LPAR6: variants seen among roughly 807,000 people sequenced by gnomAD.
LPAR6 encodes the protein lysophosphatidic acid receptor 6, also known as G-protein coupled purinergic receptor P2Y5.
A neutral mutation model predicts 22.0 loss-of-function variants in LPAR6; 17 were observed. That is an observed-to-expected ratio of 0.77 (90% CI 0.53 to 1.16). The LOEUF is 1.16. Ranked by LOEUF, LPAR6 falls within the 50% of genes most tolerant of loss-of-function variation. The pLI is 0.00. For synonymous variants in LPAR6, 136 were observed against 139.8 expected (o/e 0.97, Z 0.19); for missense variants, 384 against 406.9 (o/e 0.94, Z 0.48).
At chr13:48,423,849 C>T (rs1453207854) in intron 1 of LPAR6, 1 of 152,204 alleles carries the variant, frequency 6.6e-6, no homozygotes, top group Non-Finnish European at 1.5e-5. Context: ...GAGTTTGGGG[C>T]TTCATTGCTC....
At chr13:48,418,043 A>G (rs538536931), upstream of LPAR6, among the ~76,000 whole-genome samples, 19 of 152,134 alleles carry the variant, frequency 1.2e-4, no homozygotes, top group South Asian at 3.7e-3. Flanking sequence ...CCACAAAGAT[A>G]CTCCTCAAGA....
At chr13:48,419,817 A>G (rs1474139367) in intron 2 of LPAR6, among the ~76,000 whole-genome samples, 2 of 152,168 alleles carry the variant, frequency 1.3e-5, no homozygotes, top group Admixed American at 1.3e-4. Flanking sequence ...GGACACATAC[A>G]CCCTCCCAAG....
At chr13:48,395,001 A>G (rs903360515) in intron 1 of LPAR6, among the ~76,000 whole-genome samples, 6 of 152,190 alleles carry the variant, frequency 3.9e-5, no homozygotes, top group Admixed American at 6.5e-5. Flanking sequence ...GGAGAGTTCC[A>G]GCTGCCATCT....
chr13:48,426,229 T>C (rs1949077561), intron 1 of LPAR6, among the ~76,000 whole-genome samples: 2 of 152,206 alleles, frequency 1.3e-5, no homozygotes, highest in Non-Finnish European at 2.9e-5. Context: ...TCTAAAAAGA[T>C]ACTATTATAG....
intron 1 of LPAR6, among the ~76,000 whole-genome samples, chr13:48,392,808 G>C (rs1047980103): frequency 6.6e-6 from 1 of 151,098 alleles, no homozygotes; most frequent in Non-Finnish European, 1.5e-5. Flanking sequence ...TTGACTGCTT[G>C]GTGATTTTTT....
intron 1 of LPAR6, among the ~76,000 whole-genome samples, chr13:48,405,214 A>C (rs889221584): frequency 2.0e-5 from 3 of 152,262 alleles, no homozygotes; most frequent in African/African-American, 4.8e-5. Flanking sequence ...AGTTTCATAA[A>C]GAATGCCTTC....
upstream of LPAR6, among the ~76,000 whole-genome samples, chr13:48,428,777 A>G (rs1306642067): frequency 6.6e-6 from 1 of 152,250 alleles, no homozygotes; most frequent in Non-Finnish European, 1.5e-5. Context: ...CAAGTTTTAT[A>G]CAAAAGCAGG....
At chr13:48,426,652 T>C (rs1422374687) in intron 1 of LPAR6, 1 of 152,220 alleles carries the variant, frequency 6.6e-6, no homozygotes, top group East Asian at 1.9e-4. Context: ...AAGTACAACT[T>C]AGGAAACTAA....
intron 1 of LPAR6, among the ~76,000 whole-genome samples, chr13:48,405,461 C>G (rs1268935496): frequency 6.6e-6 from 1 of 152,134 alleles, no homozygotes; most frequent in Non-Finnish European, 1.5e-5. Flanking sequence ...GTGTTTTTCT[C>G]CCATCCTTGT....
At chr13:48,422,529 G>C (rs1307445474) in intron 2 of LPAR6, 1 of 152,106 alleles carries the variant, frequency 6.6e-6, no homozygotes, top group Non-Finnish European at 1.5e-5. Context: ...TTAAAAAATG[G>C]TGAAGACAAG....
At chr13:48,401,594 G>C (rs1187680375) in intron 1 of LPAR6, among the ~76,000 whole-genome samples, 1 of 152,108 alleles carries the variant, frequency 6.6e-6, no homozygotes, top group African/African-American at 2.4e-5. Flanking sequence ...TCACGACCCA[G>C]TCTGTTTCAA....
At position 48,393,899 on chromosome 13, in the gene LPAR6, T is replaced by G. The variant is rs181994730; in HGVS notation, n.115-4087A>C. ...ACCAAATATTAGCAAATTTCTTCAT[T>G]CAGTTACACAAGTACTTGGCCAACA... On this transcript the variant is annotated intron_variant and non_coding_transcript_variant, in intron 1 of 1. Transcript: ENST00000462781. 2.2e-3 allele frequency among the ~76,000 whole-genome samples: 338 copies of G among 152,310 alleles called. 7 individuals are homozygous for G. Among genetic ancestry groups the G allele is most frequent in the Admixed American group, 0.021 (318 of 15,280 alleles).
chr13:48,399,971 A>G (rs772885316), intron 1 of LPAR6, among the ~76,000 whole-genome samples: 26 of 152,040 alleles, frequency 1.7e-4, no homozygotes, highest in Non-Finnish European at 3.2e-4. Context: ...TATTATACAC[A>G]TTACCCATTC....
intron 1 of LPAR6, among the ~76,000 whole-genome samples, chr13:48,433,510 T>A (rs1314851624): frequency 6.6e-6 from 1 of 152,132 alleles, no homozygotes; most frequent in East Asian, 1.9e-4. Context: ...AAAATTTTTG[T>A]TCAGAGAATT....
intron 1 of LPAR6, among the ~76,000 whole-genome samples, chr13:48,390,968 T>A (rs1948606586): frequency 6.6e-6 from 1 of 152,208 alleles, no homozygotes; most frequent in Non-Finnish European, 1.5e-5. Context: ...ATGTGACTAT[T>A]GATATGGTTG....
At chr13:48,430,380 ATAAAAAATGACTCCATT>A (rs1288542489), upstream of LPAR6, among the ~76,000 whole-genome samples, 1 of 152,234 alleles carries the variant, frequency 6.6e-6, no homozygotes, top group Non-Finnish European at 1.5e-5. Flanking sequence ...AATAATCTCA[ATAAAAAATGACTCCATT>A]TAAAAAATGA....
intron 1 of LPAR6, among the ~76,000 whole-genome samples, chr13:48,434,886 G>C (rs1486936110): frequency 1.3e-5 from 2 of 152,174 alleles, no homozygotes; most frequent in African/African-American, 4.8e-5. Context: ...GATATTGCAT[G>C]TATCAATAGT....
At chr13:48,391,229 A>G (rs548885668) in intron 1 of LPAR6, among the ~76,000 whole-genome samples, 3 of 152,336 alleles carry the variant, frequency 2.0e-5, no homozygotes, top group East Asian at 3.9e-4. Flanking sequence ...TTAGAATAGT[A>G]TATTTCCATT....
intron 1 of LPAR6, among the ~76,000 whole-genome samples, chr13:48,432,135 C>T (rs1682596670): frequency 2.0e-5 from 3 of 152,040 alleles, no homozygotes; most frequent in Non-Finnish European, 4.4e-5. Flanking sequence ...CAAAGAAGGC[C>T]TTGCTAATAA....
Sources: allele counts gnomAD v4.1 joint callset (sites outside exome capture counted in the v4.1 genomes callset), GRCh38; gene constraint gnomAD v4.1.1; transcripts MANE v1.5; gene names NCBI Gene and HGNC (gene_info 2026-07-23, HGNC 2026-07-21).